The following MAF variants were observed in gnomAD, a reference collection of about 807,000 sequenced individuals.
MAF encodes MAF bZIP transcription factor, also known as transcription factor Maf.
In MAF, 10 loss-of-function variants were observed where a neutral mutation model predicts 22.0. The observed-to-expected ratio is 0.45, with a 90% confidence interval of 0.28 to 0.77. The LOEUF is 0.77. Among genes scored for constraint, MAF ranks in the 30% least tolerant of loss-of-function variants. The pLI, the probability that MAF is intolerant of heterozygous loss-of-function variation, is 0.12. For synonymous variants in MAF, 337 were observed against 255.8 expected, an observed-to-expected ratio of 1.32 and a Z score of -3.03; for missense variants, 544 against 548.4, an observed-to-expected ratio of 0.99 and a Z score of 0.08.
the MAF span, among the ~76,000 whole-genome samples, chr16:79,400,323 C>A: frequency 6.6e-6 from 1 of 152,314 alleles, no homozygotes; most frequent in Non-Finnish European, 1.5e-5. Context: ...ATTCTGACTA[C>A]AACTTGTGCC....
In MAF at chr16:79,596,982, AT is replaced by A. The variant is rs1354902455; in HGVS notation, c.1118+1802del. On this transcript the variant is annotated intron_variant, in intron 1 of 1. Transcript: ENST00000326043. ...AAGAAAAAAAAACATACATTTTTGA[AT>A]GTAAAATACCCCTACAGATATAAAC... is the stretch of plus-strand genomic sequence containing the variant. 6.6e-6 allele frequency: 7 copies of A among 1,052,904 alleles called. No homozygotes were observed. In the African/African-American group the frequency reaches 1.2e-4, roughly 17 times the overall value. 65.2% of individuals were successfully genotyped at this position (1,052,904 alleles called of 1,614,324 possible). A position where few individuals can be genotyped will look rare whatever the true frequency, so the allele number is the denominator to read the frequency against.
chr16:79,531,496 A>G, the MAF span, among the ~76,000 whole-genome samples: 1 of 152,122 alleles, frequency 6.6e-6, no homozygotes, highest in Non-Finnish European at 1.5e-5. Context: ...ACAACTCACC[A>G]TAATGTAGAA....
At chr16:79,308,945 C>T in the MAF span, among the ~76,000 whole-genome samples, 1 of 152,090 alleles carries the variant, frequency 6.6e-6, no homozygotes, top group Non-Finnish European at 1.5e-5. Flanking sequence ...GGTGATGGGC[C>T]ACTTATGGAA....
the MAF span, among the ~76,000 whole-genome samples, chr16:79,516,475 G>C: frequency 6.6e-6 from 1 of 152,180 alleles, no homozygotes; most frequent in Non-Finnish European, 1.5e-5. Context: ...GGCTCAGAGA[G>C]GATGAATGAG....
the MAF span, among the ~76,000 whole-genome samples, chr16:79,210,409 C>T: frequency 6.6e-6 from 1 of 152,152 alleles, no homozygotes; most frequent in African/African-American, 2.4e-5. Context: ...CCAGTAAGCA[C>T]CCTGCATGGT....
At chr16:79,426,482 C>T in the MAF span, among the ~76,000 whole-genome samples, 1 of 152,016 alleles carries the variant, frequency 6.6e-6, no homozygotes, top group Non-Finnish European at 1.5e-5. Flanking sequence ...AGTCTCTATT[C>T]CCTCATACTG....
the MAF span, among the ~76,000 whole-genome samples, chr16:79,420,854 A>G: frequency 2.0e-5 from 3 of 151,988 alleles, no homozygotes; most frequent in Non-Finnish European, 4.4e-5. Context: ...ACGTGGAGAA[A>G]CCCCTGCCGT....
chr16:79,320,776 A>T, the MAF span, among the ~76,000 whole-genome samples: 1 of 151,978 alleles, frequency 6.6e-6, no homozygotes. Flanking sequence ...GCACTTAATA[A>T]ATAATGGGTG....
the MAF span, among the ~76,000 whole-genome samples, chr16:79,537,392 GTA>G: frequency 7.0e-3 from 1,069 of 152,214 alleles, 7 homozygotes; most frequent in African/African-American, 0.024. Flanking sequence ...TCTCAATCAT[GTA>G]TATGTTTCAC....
At chr16:79,272,572 G>A in the MAF span, among the ~76,000 whole-genome samples, 2 of 152,182 alleles carry the variant, frequency 1.3e-5, no homozygotes, top group African/African-American at 4.8e-5. Flanking sequence ...TTGTGACCAC[G>A]TGGCCCCACC....
At chr16:79,554,110 CAAACAAACAAACAAACAAAA>C in the MAF span, among the ~76,000 whole-genome samples, 6 of 127,760 alleles carry the variant, frequency 4.7e-5, no homozygotes, top group South Asian at 1.3e-3. Context: ...AACAAACAAA[CAAACAAACAAACAAACAAAA>C]CCACCAAACC....
the MAF span, among the ~76,000 whole-genome samples, chr16:79,216,952 G>C: frequency 1.3e-5 from 2 of 152,038 alleles, no homozygotes; most frequent in Non-Finnish European, 2.9e-5. Flanking sequence ...TGGAATTACA[G>C]GCACCCGCCA....
the MAF span, among the ~76,000 whole-genome samples, chr16:79,208,998 G>C: frequency 6.6e-6 from 1 of 152,194 alleles, no homozygotes; most frequent in Non-Finnish European, 1.5e-5. Flanking sequence ...ATTGATTTTT[G>C]GAGTAGAGAA....
At chr16:79,324,994 C>T in the MAF span, among the ~76,000 whole-genome samples, 6 of 152,124 alleles carry the variant, frequency 3.9e-5, no homozygotes, top group Non-Finnish European at 8.8e-5. Context: ...ATCTCTGCCT[C>T]CATCTTCACC....
chr16:79,593,179 T>G (rs1370053606), downstream of MAF, among the ~76,000 whole-genome samples: 1 of 152,056 alleles, frequency 6.6e-6, no homozygotes, highest in Non-Finnish European at 1.5e-5. Flanking sequence ...ACTGGAGGAG[T>G]GTATTTCGTA....
At chr16:79,444,607 G>A in the MAF span, among the ~76,000 whole-genome samples, 1 of 152,214 alleles carries the variant, frequency 6.6e-6, no homozygotes, top group Non-Finnish European at 1.5e-5. Context: ...ATCATTGTGA[G>A]AAGATTCGGG....
downstream of MAF, among the ~76,000 whole-genome samples, chr16:79,583,597 G>A (rs1341391374): frequency 6.6e-6 from 1 of 152,150 alleles, no homozygotes; most frequent in Non-Finnish European, 1.5e-5. Context: ...GCACGCTAAG[G>A]TCCATCCCCA....
the MAF span, among the ~76,000 whole-genome samples, chr16:79,550,499 C>T: frequency 6.6e-6 from 1 of 152,290 alleles, no homozygotes; most frequent in South Asian, 2.1e-4. Flanking sequence ...CACATTGAAA[C>T]AGCTCACCAT....
the MAF span, among the ~76,000 whole-genome samples, chr16:79,420,268 G>A: frequency 3.9e-5 from 6 of 152,156 alleles, no homozygotes; most frequent in Non-Finnish European, 7.3e-5. Context: ...TGTGTGTCAC[G>A]TTATATGTGA....
Sources: allele counts gnomAD v4.1 joint callset (sites outside exome capture counted in the v4.1 genomes callset), GRCh38; gene constraint gnomAD v4.1.1; transcripts MANE v1.5; gene names NCBI Gene and HGNC (gene_info 2026-07-23, HGNC 2026-07-21).